The following IL1RAPL2 variants were observed in gnomAD, a reference collection of about 807,000 sequenced individuals.
IL1RAPL2 encodes the protein interleukin 1 receptor accessory protein like 2, also known as X-linked interleukin-1 receptor accessory protein-like 2.
IL1RAPL2 carries 3 observed loss-of-function variants against 44.1 expected under a neutral mutation model. The ratio of observed to expected loss-of-function variants is 0.07; its 90% CI spans 0.03 to 0.18. The LOEUF (loss-of-function observed/expected upper bound fraction) is 0.18, where lower values mean the gene tolerates loss of function less well. Among genes scored for constraint, IL1RAPL2 ranks in the 10% least tolerant of loss-of-function variants. The pLI is 1.00. For synonymous variants in IL1RAPL2, 181 were observed against 178.8 expected (o/e 1.01, Z -0.10); for missense variants, 391 against 496.4 (o/e 0.79, Z 2.02).
chrX:104,730,210 CTG>C (rs1416360578), intron 2 of IL1RAPL2, among the ~76,000 whole-genome samples: 1 of 110,923 alleles, frequency 9.0e-6, no homozygotes, highest in Non-Finnish European at 1.9e-5. Flanking sequence ...AAAAATTAAA[CTG>C]AAGTAATTTA....
chrX:105,679,317 A>C (rs917544876), intron 6 of IL1RAPL2, among the ~76,000 whole-genome samples: 4 of 112,182 alleles, frequency 3.6e-5, no homozygotes, highest in African/African-American at 6.5e-5. Context: ...GTAACCAGGA[A>C]TTAAATATCT....
At chrX:104,690,006 G>T (rs1245227930) in intron 2 of IL1RAPL2, among the ~76,000 whole-genome samples, 3 of 111,952 alleles carry the variant, frequency 2.7e-5, no homozygotes, top group Non-Finnish European at 3.8e-5. Flanking sequence ...TGGCGCAATT[G>T]GTTGGTATGC....
intron 2 of IL1RAPL2, among the ~76,000 whole-genome samples, chrX:104,739,639 C>T (rs1164806469): frequency 8.9e-6 from 1 of 111,743 alleles, no homozygotes; most frequent in Non-Finnish European, 1.9e-5. Flanking sequence ...AGGGTTGAGT[C>T]CCTCTTTGTA....
At chrX:105,108,494 A>ATTTTTTT (rs71816209) in intron 2 of IL1RAPL2, among the ~76,000 whole-genome samples, 9 of 73,637 alleles carry the variant, frequency 1.2e-4, no homozygotes, top group Non-Finnish European at 1.5e-4. Flanking sequence ...CCATGCCCGG[A>ATTTTTTT]TTTTTTTTTT....
At chrX:105,532,356 A>C (rs1345207972) in intron 6 of IL1RAPL2, among the ~76,000 whole-genome samples, 2 of 111,955 alleles carry the variant, frequency 1.8e-5, no homozygotes, top group East Asian at 5.6e-4. Context: ...TCACTCCTAC[A>C]TATAGACAAA....
At chrX:104,602,353 G>A (rs1744571440) in intron 1 of IL1RAPL2, among the ~76,000 whole-genome samples, 1 of 111,612 alleles carries the variant, frequency 9.0e-6, no homozygotes, top group Non-Finnish European at 1.9e-5. Flanking sequence ...TCCCTCTGGT[G>A]CCCACCCCAC....
chrX:104,907,218 A>G (rs1234560999), intron 2 of IL1RAPL2, among the ~76,000 whole-genome samples: 1 of 111,199 alleles, frequency 9.0e-6, no homozygotes, highest in Non-Finnish European at 1.9e-5. Flanking sequence ...TCTTGCTAAC[A>G]GTCTATCTAT....
intron 2 of IL1RAPL2, among the ~76,000 whole-genome samples, chrX:104,949,010 T>C (rs746939238): frequency 9.1e-6 from 1 of 110,185 alleles, no homozygotes; most frequent in African/African-American, 3.3e-5. Flanking sequence ...TTCCTCCTTG[T>C]ACCTCTGGTA....
intron 5 of IL1RAPL2, among the ~76,000 whole-genome samples, chrX:105,351,919 T>A (rs1440525267): frequency 9.0e-6 from 1 of 111,465 alleles, no homozygotes; most frequent in Non-Finnish European, 1.9e-5. Flanking sequence ...ATTTGTTGCT[T>A]CACGTCCCCC....
intron 4 of IL1RAPL2, among the ~76,000 whole-genome samples, chrX:105,247,751 T>G (rs1435319066): frequency 9.2e-6 from 1 of 109,094 alleles, no homozygotes; most frequent in African/African-American, 3.3e-5. Context: ...CCAAAATAAC[T>G]AATGCTAACT....
chrX:104,733,324 G>A (rs1437534825), intron 2 of IL1RAPL2, among the ~76,000 whole-genome samples: 1 of 111,187 alleles, frequency 9.0e-6, no homozygotes, highest in Non-Finnish European at 1.9e-5. Context: ...GGGCGCAGTG[G>A]CACACACCTG....
intron 2 of IL1RAPL2, among the ~76,000 whole-genome samples, chrX:104,922,460 T>A (rs986515891): frequency 7.1e-5 from 8 of 112,304 alleles, no homozygotes; most frequent in African/African-American, 2.6e-4. Flanking sequence ...GGCCTCCACC[T>A]CTCCATCTCT....
At position 105,233,500 on chromosome X, in the gene IL1RAPL2, G is replaced by T. The variant is rs112058786; in HGVS notation, c.357-318G>T. Among the ~76,000 whole-genome samples, 341 of 111,902 alleles carry T rather than the reference G, an allele frequency of 3.0e-3. 3 individuals are homozygous for T. Among genetic ancestry groups the T allele is most frequent in the African/African-American group, 0.011 (329 of 30,866 alleles). On this transcript the variant is annotated intron_variant, in intron 3 of 10. Coordinates refer to ENST00000372582, the MANE Select transcript of IL1RAPL2 (RefSeq NM_017416.2). ...CCAGTTATAGAGAGACTTTCTCACA[G>T]GTTTTTATTATCAGATTTTCAACAT...
chrX:104,946,687 T>C (rs1802546058), intron 2 of IL1RAPL2, among the ~76,000 whole-genome samples: 1 of 100,881 alleles, frequency 9.9e-6, no homozygotes, highest in South Asian at 5.0e-4. Context: ...GTTCTTGCAA[T>C]AGTTTACTGA....
At chrX:105,310,614 C>G (rs970076065) in intron 5 of IL1RAPL2, among the ~76,000 whole-genome samples, 1 of 111,523 alleles carries the variant, frequency 9.0e-6, no homozygotes, top group Non-Finnish European at 1.9e-5. Flanking sequence ...TTTTTTCCAA[C>G]TCCCTTAGCC....
At chrX:104,675,825 G>T (rs1467428374) in intron 2 of IL1RAPL2, among the ~76,000 whole-genome samples, 2 of 109,880 alleles carry the variant, frequency 1.8e-5, no homozygotes, top group South Asian at 7.9e-4. Flanking sequence ...AGCTCTTCTT[G>T]TTGAATTGAT....
chrX:105,516,176 T>G (rs1377469813), intron 6 of IL1RAPL2, among the ~76,000 whole-genome samples: 1 of 112,247 alleles, frequency 8.9e-6, no homozygotes, highest in African/African-American at 3.2e-5. Context: ...TTGTGATGGT[T>G]TTCCCCAGCC....
chrX:105,271,830 G>T (rs1284529787), intron 5 of IL1RAPL2, among the ~76,000 whole-genome samples: 6 of 107,636 alleles, frequency 5.6e-5, no homozygotes, highest in Non-Finnish European at 1.2e-4. Flanking sequence ...TCATGATTTG[G>T]CTCTCTGTTT....
At chrX:104,588,898 A>G (rs1009783296) in intron 1 of IL1RAPL2, among the ~76,000 whole-genome samples, 23 of 111,896 alleles carry the variant, frequency 2.1e-4, no homozygotes, top group African/African-American at 7.1e-4. Context: ...TGAAAAAAAG[A>G]TTATGTCCAA....
Sources: gnomAD v4.1 joint callset for allele counts (sites outside exome capture counted in the v4.1 genomes callset) on GRCh38, gnomAD v4.1.1 for gene constraint, MANE v1.5 for transcripts, NCBI Gene and HGNC (gene_info 2026-07-23, HGNC 2026-07-21) for gene names.